Variants in VIT observed in about 807,000 individuals in gnomAD.
VIT encodes the protein vitrin.
A neutral mutation model predicts 78.0 loss-of-function variants in VIT; 99 were observed. The observed-to-expected ratio is 1.27, with a 90% confidence interval of 1.08 to 1.50. VIT has a LOEUF of 1.50. VIT is among the 40% of genes most tolerant of loss of function. The pLI is 0.00. For synonymous variants in VIT, 374 were observed against 334.3 expected (o/e 1.12, Z -1.29); for missense variants, 1,126 against 875.3 (o/e 1.29, Z -3.61).
chr2:36,701,937 G>A (rs1573098818), intron 1 of VIT, among the ~76,000 whole-genome samples: 1 of 152,340 alleles, frequency 6.6e-6, no homozygotes, highest in South Asian at 2.1e-4. Context: ...TTGGGAAGAA[G>A]AGTGAACAAA....
chr2:36,761,978 A>T (rs1669150905), intron 6 of VIT, among the ~76,000 whole-genome samples: 1 of 152,224 alleles, frequency 6.6e-6, no homozygotes, highest in South Asian at 2.1e-4. Flanking sequence ...CATAGTTCTA[A>T]GCAGCCCAAA....
At chr2:36,755,845 T>C (rs1294066218) in intron 5 of VIT, among the ~76,000 whole-genome samples, 1 of 152,194 alleles carries the variant, frequency 6.6e-6, no homozygotes, top group Non-Finnish European at 1.5e-5. Flanking sequence ...TATAATGTTA[T>C]CATCTATTAT....
intron 1 of VIT, among the ~76,000 whole-genome samples, chr2:36,713,875 A>T (rs1203804989): frequency 2.0e-5 from 3 of 152,212 alleles, no homozygotes; most frequent in Non-Finnish European, 4.4e-5. Context: ...ATCCAATAGG[A>T]AAGTTAAACA....
intron 15 of VIT, among the ~76,000 whole-genome samples, chr2:36,810,194 G>A (rs532454309): frequency 6.6e-6 from 1 of 152,194 alleles, no homozygotes; most frequent in Admixed American, 6.5e-5. Flanking sequence ...AGGAGGCTGA[G>A]GCAGGAGAAT....
chr2:36,803,203 G>A (rs1666456901), intron 13 of VIT, among the ~76,000 whole-genome samples: 1 of 152,188 alleles, frequency 6.6e-6, no homozygotes, highest in African/African-American at 2.4e-5. Context: ...TCTGCGGACA[G>A]TATCCCAGAG....
At chr2:36,777,321 T>G (rs534469616) in intron 9 of VIT, among the ~76,000 whole-genome samples, 1 of 152,026 alleles carries the variant, frequency 6.6e-6, no homozygotes, top group East Asian at 2.0e-4. Flanking sequence ...TGAGAGCCTT[T>G]CAAATACATG....
At chr2:36,777,898 G>T (rs966678330) in intron 9 of VIT, among the ~76,000 whole-genome samples, 1 of 152,052 alleles carries the variant, frequency 6.6e-6, no homozygotes, top group African/African-American at 2.4e-5. Flanking sequence ...ACCGAATCCT[G>T]CGATCCGCAC....
chr2:36,792,815 C>T (rs1665598079), intron 12 of VIT, among the ~76,000 whole-genome samples: 1 of 152,130 alleles, frequency 6.6e-6, no homozygotes, highest in Admixed American at 6.6e-5. Context: ...GGAGCTCCAC[C>T]CTCCTCCCTT....
rs200059174 is a variant in VIT, at chr2:36,808,594, C to G, written c.1512C>G (p.Thr504=). ...CTGACCGCCTGGCCTGCAGCAAGAC[C>G]TGCTTGAACTCGGCTGACATTGGCT... ...CDTDRLACSK[T]CLNSADIGFV... is the part of the protein sequence containing the mutation. Residue 504 remains threonine (T), a synonymous_variant, in exon 15 of 16, where the codon ACC becomes ACG. Transcript: ENST00000379242. The G allele has an allele frequency of 6.2e-7, 1 of 1,614,204 alleles. No individual in the cohort carries two copies. The highest frequency in any genetic ancestry group is 1.3e-5 in the African/African-American group (1 of 75,056).
intron 5 of VIT, among the ~76,000 whole-genome samples, chr2:36,757,847 A>G (rs747823845): frequency 6.6e-6 from 1 of 152,324 alleles, no homozygotes; most frequent in South Asian, 2.1e-4. Context: ...AAGAGCCTCA[A>G]AGGTTGGGGC....
rs1322380258 is a variant in VIT at position 36,808,965 on chromosome 2, C to G, written c.1883C>G (p.Ala628Gly). ...TCCTACGACGACGTCCGGATCCCAG[C>G]CATGGCTGCCCATCTGAAGGGTAAG... ...GRSYDDVRIP[A>G]MAAHLKGVIT... The change falls in exon 15 of 16, where the codon GCC becomes GGC. Residue 628 changes from alanine (A) to glycine (G), a missense_variant. Physicochemically the swap from Ala to Gly is moderately conservative, Grantham distance 60. Transcript: ENST00000379242. 6.3e-7 allele frequency: 1 copy of G among 1,589,504 alleles called. No homozygotes were observed. Among genetic ancestry groups the G allele is most frequent in the Admixed American group, 1.7e-5 (1 of 59,082 alleles).
chr2:36,770,925 C>T (rs7560248), intron 7 of VIT, among the ~76,000 whole-genome samples: 149,079 of 152,216 alleles, frequency 0.98, 73,069 homozygotes, highest in East Asian at 1. Flanking sequence ...CAGAGATCCT[C>T]CACCTCTCTA....
chr2:36,734,312 C>G (rs966625903), intron 3 of VIT, among the ~76,000 whole-genome samples: 1 of 152,142 alleles, frequency 6.6e-6, no homozygotes, highest in East Asian at 1.9e-4. Flanking sequence ...AGTGTTTTTT[C>G]AAGACTCACA....
At chr2:36,740,457 TG>T (rs1237664312) in intron 3 of VIT, among the ~76,000 whole-genome samples, 2 of 152,232 alleles carry the variant, frequency 1.3e-5, no homozygotes, top group Non-Finnish European at 2.9e-5. Flanking sequence ...TTAATAATTT[TG>T]GCAATCACTC....
chr2:36,787,191 C>T lies in VIT; in HGVS notation c.973C>T (p.Arg325Ter), dbSNP rs776206880. The part of the protein sequence containing the change: ...GSTSIGKRRF[R>*]IQKQLLADVA... ...CACCAGCATTGGCAAACGGCGATTC[C>T]GAATCCAGAAGCAGCTCCTGGCTGA... The change falls in exon 12 of 16, where the codon CGA becomes TGA. Residue 325 changes from arginine (R) to a stop codon, truncating the protein, a stop_gained. Transcript: ENST00000379242. LOFTEE classifies it high-confidence loss of function. The T allele has an allele frequency of 1.2e-5, 20 of 1,614,044 alleles. No homozygotes were observed. The highest frequency in any genetic ancestry group is 3.3e-5 in the South Asian group (3 of 91,078).
At chr2:36,711,167 C>A (rs1231874473) in intron 1 of VIT, among the ~76,000 whole-genome samples, 1 of 152,186 alleles carries the variant, frequency 6.6e-6, no homozygotes, top group East Asian at 1.9e-4. Flanking sequence ...AATTTTTACA[C>A]TTCCTGGTCA....
intron 15 of VIT, among the ~76,000 whole-genome samples, chr2:36,811,972 G>A (rs1339358301): frequency 2.0e-5 from 3 of 152,096 alleles, no homozygotes; most frequent in African/African-American, 7.2e-5. Flanking sequence ...CACCACGCCT[G>A]GCCCGGAGAG....
intron 3 of VIT, among the ~76,000 whole-genome samples, chr2:36,742,624 C>T (rs1667902506): frequency 6.6e-6 from 1 of 152,202 alleles, no homozygotes; most frequent in Non-Finnish European, 1.5e-5. Flanking sequence ...CACCAGGCCC[C>T]ATAATGGAGT....
intron 4 of VIT, among the ~76,000 whole-genome samples, chr2:36,743,670 C>T (rs755261221): frequency 3.0e-4 from 45 of 152,248 alleles, no homozygotes; most frequent in Non-Finnish European, 4.9e-4. Context: ...TTAAATAGTT[C>T]ATCAAATTTG....
Sources: gnomAD v4.1 joint callset for allele counts (sites outside exome capture counted in the v4.1 genomes callset) on GRCh38, gnomAD v4.1.1 for gene constraint, MANE v1.5 for transcripts, NCBI Gene and HGNC (gene_info 2026-07-23, HGNC 2026-07-21) for gene names.